SCAP: variants seen among roughly 807,000 people sequenced by gnomAD.
SCAP encodes the protein SREBF chaperone.
In SCAP, 65 loss-of-function variants were observed where a neutral mutation model predicts 123.6. The ratio of observed to expected loss-of-function variants is 0.53; its 90% CI spans 0.43 to 0.65. SCAP has a LOEUF of 0.65. Among genes scored for constraint, SCAP ranks in the 30% least tolerant of loss-of-function variants. The probability of loss-of-function intolerance (pLI) is 0.00; values close to 1 mark genes in which losing one functional copy is unlikely to be tolerated. For missense variants in SCAP, 1,398 were observed against 1,712.5 expected (o/e 0.82, Z 3.24); for synonymous variants, 740 against 726.3 (o/e 1.02, Z -0.30).
At chr3:47,445,658 G>A (rs1055361588) in intron 1 of SCAP, among the ~76,000 whole-genome samples, 8 of 151,512 alleles carry the variant, frequency 5.3e-5, no homozygotes, top group Non-Finnish European at 7.4e-5. Context: ...TGTAAACTCC[G>A]CCTTCCGGTG....
At chr3:47,443,455 T>C (rs1157996685) in intron 1 of SCAP, among the ~76,000 whole-genome samples, 2 of 152,004 alleles carry the variant, frequency 1.3e-5, no homozygotes, top group Non-Finnish European at 2.9e-5. Context: ...ACAGGCATTC[T>C]TCCCCCCCCT....
chr3:47,460,543 T>C (rs1262416549), intron 1 of SCAP, among the ~76,000 whole-genome samples: 1 of 152,144 alleles, frequency 6.6e-6, no homozygotes, highest in African/African-American at 2.4e-5. Context: ...AGAACTGTTT[T>C]TTGGTTTTTT....
At chr3:47,429,857 C>T in intron 3 of SCAP, among the ~76,000 whole-genome samples, 1 of 152,178 alleles carries the variant, frequency 6.6e-6, no homozygotes, top group Non-Finnish European at 1.5e-5. Context: ...GTCTGCTGAC[C>T]GCACTATAGA....
intron 6 of SCAP, 80 bp downstream of exon 6, chr3:47,427,077 C>T: frequency 9.9e-7 from 1 of 1,013,580 alleles, no homozygotes; most frequent in Non-Finnish European, 1.5e-6. Flanking sequence ...ATTCAGAACA[C>T]TCTAACCAGA....
intron 1 of SCAP, among the ~76,000 whole-genome samples, chr3:47,459,995 A>G (rs1315372576): frequency 6.6e-6 from 1 of 152,102 alleles, no homozygotes; most frequent in Non-Finnish European, 1.5e-5. Flanking sequence ...TTAATTATTA[A>G]TATTCCTTGC....
In SCAP at chr3:47,428,503, AG is replaced by A; in HGVS notation, c.410+9del. 6.2e-7 allele frequency: 1 copy of A among 1,613,590 alleles called. No individual in the cohort carries two copies. Among genetic ancestry groups the A allele is most frequent in the Non-Finnish European group, 8.5e-7 (1 of 1,179,700 alleles). Reference sequence around the variant, plus strand: ...GGATTCAGGGAGGCCAGGGTCCCTGAGAGGGGTACCTGTCTCTCAGCACGTG... The same window carrying A: ...GGATTCAGGGAGGCCAGGGTCCCTGAAGGGGTACCTGTCTCTCAGCACGTG... On this transcript the variant is annotated intron_variant, in intron 4 of 22. Transcript: ENST00000265565.
chr3:47,417,674 AAG>A lies in SCAP; in HGVS notation c.2598_2599del (p.Phe867ArgfsTer5). The stretch of plus-strand genomic sequence containing the variant: ...GCAGGTGAGGTCAGGCTGGTCCCCG[AAG>A]AGGGAAGGCGGCGGAGGGCCCCGGG... On this transcript the variant is annotated frameshift_variant, in exon 17 of 23. Transcript: ENST00000265565. LOFTEE classifies it high-confidence loss of function. 1 of 1,607,818 alleles carries A rather than the reference AAG, an allele frequency of 6.2e-7. No homozygotes were observed. The highest frequency in any genetic ancestry group is 8.5e-7 in the Non-Finnish European group (1 of 1,178,338).
chr3:47,448,524 T>C (rs758960635), intron 1 of SCAP, among the ~76,000 whole-genome samples: 8 of 152,162 alleles, frequency 5.3e-5, no homozygotes, highest in South Asian at 2.1e-4. Context: ...CTTTCTGTTA[T>C]TGTCCCATGG....
chr3:47,424,746 A>G (rs1706050212), intron 8 of SCAP, among the ~76,000 whole-genome samples: 1 of 152,178 alleles, frequency 6.6e-6, no homozygotes, highest in Non-Finnish European at 1.5e-5. Flanking sequence ...GGTATCTAAG[A>G]GCAACGAAAC....
At chr3:47,453,476 T>C (rs1707297243) in intron 1 of SCAP, among the ~76,000 whole-genome samples, 1 of 152,288 alleles carries the variant, frequency 6.6e-6, no homozygotes, top group South Asian at 2.1e-4. Context: ...TCTGAGGCCA[T>C]ACTTCTTTGC....
chr3:47,450,715 G>T lies in SCAP; in HGVS notation c.-98-7624C>A, dbSNP rs1707204411. 2.4e-5 allele frequency among the ~76,000 whole-genome samples: 3 copies of T among 122,534 alleles called. 1 individual carries two copies. 80.4% of individuals were successfully genotyped at this position (122,534 alleles called of 152,430 possible). A position where few individuals can be genotyped will look rare whatever the true frequency, so the allele number is the denominator to read the frequency against. ...GGGTTTTGCCACGTTGCCCAGGCTG[G>T]TCTCAAACTCCTGGGCTCAAGCAAT... is the stretch of plus-strand genomic sequence containing the variant. On this transcript the variant is annotated intron_variant, in intron 1 of 22. Transcript: ENST00000265565.
rs1239006433 is a variant in SCAP, at chr3:47,417,950, G to A, written c.2448-124C>T. 3.0e-4 allele frequency: 110 copies of A among 368,576 alleles called. 1 individual carries two copies. The African/African-American group carries it at 3.2e-3, about 11-fold the overall frequency. The allele number at this position is 368,576 out of a possible 1,614,324, so 22.8% of individuals were successfully genotyped here. A position where few individuals can be genotyped will look rare whatever the true frequency, so the allele number is the denominator to read the frequency against. On this transcript the variant is annotated intron_variant, in intron 16 of 22. Coordinates refer to ENST00000265565, the MANE Select transcript of SCAP (RefSeq NM_012235.4). ...AAGGGAAAAGGGGGTGGGGGGAGAG[G>A]GTGGTGCGGGGTGGGGAGAGGGGGG...
At chr3:47,435,786 T>C (rs528600011) in intron 2 of SCAP, among the ~76,000 whole-genome samples, 1 of 152,304 alleles carries the variant, frequency 6.6e-6, no homozygotes, top group South Asian at 2.1e-4. Flanking sequence ...CAGTGGGTTA[T>C]GCCTGTAACC....
chr3:47,477,000 A>G (rs12631697), upstream of SCAP: 134,568 of 152,838 alleles, frequency 0.88, 61,807 homozygotes, highest in East Asian at 1. Flanking sequence ...TGGGAGTTCC[A>G]GAAAGTGCAG....
chr3:47,459,576 G>A lies in SCAP; in HGVS notation c.-99+16223C>T, dbSNP rs146330296. 2.0e-3 allele frequency among the ~76,000 whole-genome samples: 300 copies of A among 152,200 alleles called. 1 individual carries two copies. Among genetic ancestry groups the A allele is most frequent in the Non-Finnish European group, 3.3e-3 (226 of 68,012 alleles). ...ATGAGTAGGACCGTGATACCCACCC[G>A]AGCTGCAAAACCAGCAAGTTTTATT... On this transcript the variant is annotated intron_variant, in intron 1 of 22. Coordinates refer to ENST00000265565, the MANE Select transcript of SCAP (RefSeq NM_012235.4).
At chr3:47,428,712 C>T (rs1559548810) in intron 3 of SCAP, 42 bp from the exon 4 acceptor site, 2 of 1,604,870 alleles carry the variant, frequency 1.2e-6, no homozygotes, top group South Asian at 2.2e-5. Flanking sequence ...CAGCTGAGCA[C>T]AGGAAGAAGA....
In SCAP at chr3:47,419,693, A is replaced by C. The variant is rs2107782914; in HGVS notation, c.1575T>G (p.Val525=). The change falls in exon 13 of 23, where the codon GTT becomes GTG. Residue 525 remains valine (V), a synonymous_variant. Coordinates refer to ENST00000265565, the MANE Select transcript of SCAP (RefSeq NM_012235.4). This position sits in a 1 kb window ranked among gnomAD's most constrained non-coding sequence, Gnocchi z 5.0. ...TGTATACCAGGATGCCAATCCAGAC[A>C]ACGGTGCCAGCCTGCAGTGGGGCAG... ...LAQRLIMAGT[V]VWIGILVYTD... is the part of the protein sequence containing the mutation. 1 of 1,521,364 alleles carries C rather than the reference A, an allele frequency of 6.6e-7. No individual in the cohort carries two copies. The highest frequency in any genetic ancestry group is 2.3e-5 in the East Asian group (1 of 43,918). 94.2% of individuals were successfully genotyped at this position (1,521,364 alleles called of 1,614,324 possible). A position where few individuals can be genotyped will look rare whatever the true frequency, so the allele number is the denominator to read the frequency against.
rs141943007 is a variant in SCAP, at chr3:47,458,498, T to G, written c.-98-15407A>C. The stretch of plus-strand genomic sequence containing the variant: ...TTTCAGTTAATGAACGAAAGCTGAT[T>G]TCAGAGAATTTAAAGCCTAAAAACA... On this transcript the variant is annotated intron_variant, in intron 1 of 22. Coordinates refer to ENST00000265565, the MANE Select transcript of SCAP (RefSeq NM_012235.4). Among the ~76,000 whole-genome samples the G allele has an allele frequency of 2.3e-3, 343 of 152,240 alleles. 4 individuals are homozygous for G. Among genetic ancestry groups the G allele is most frequent in the African/African-American group, 7.8e-3 (324 of 41,552 alleles).
rs932529770 is a variant in SCAP, at chr3:47,449,834, C to T, written c.-98-6743G>A. On this transcript the variant is annotated intron_variant, in intron 1 of 22. Coordinates refer to ENST00000265565, the MANE Select transcript of SCAP (RefSeq NM_012235.4). ...AATTCGCATGCTAACATTTATCTTT[C>T]TGGGGTTACTCCACTGATCCATGCA... Among the ~76,000 whole-genome samples, 8 of 124,250 alleles carry T rather than the reference C, an allele frequency of 6.4e-5. 2 individuals carry two copies. Among genetic ancestry groups the T allele is most frequent in the African/African-American group, 2.2e-4 (8 of 36,252 alleles). 81.5% of individuals were successfully genotyped at this position (124,250 alleles called of 152,430 possible).
Sources: gnomAD v4.1 joint callset for allele counts (sites outside exome capture counted in the v4.1 genomes callset) on GRCh38, gnomAD v4.1.1 for gene constraint, Gnocchi (gnomAD v3.1) non-coding constraint, MANE v1.5 for transcripts, NCBI Gene and HGNC (gene_info 2026-07-23, HGNC 2026-07-21) for gene names.